Variants in ZNF385B observed in about 807,000 individuals in gnomAD.
ZNF385B encodes the protein zinc finger protein 533.
Under a neutral mutation model 39.2 loss-of-function variants are expected in ZNF385B, and 23 were observed. The ratio of observed to expected loss-of-function variants is 0.59; its 90% CI spans 0.42 to 0.83. ZNF385B has a LOEUF of 0.83. Among genes scored for constraint, ZNF385B ranks in the 40% least tolerant of loss-of-function variants. ZNF385B has a pLI of 0.00. For missense variants in ZNF385B, 552 were observed against 598.9 expected (o/e 0.92, Z 0.82); for synonymous variants, 205 against 222.6 (o/e 0.92, Z 0.70).
chr2:179,563,685 T>C (rs756592593), intron 3 of ZNF385B, among the ~76,000 whole-genome samples: 8 of 152,104 alleles, frequency 5.3e-5, no homozygotes, highest in Non-Finnish European at 1.2e-4. Context: ...AATAACAAAA[T>C]AATATTCTAA....
intron 3 of ZNF385B, among the ~76,000 whole-genome samples, chr2:179,724,116 C>T (rs1700858483): frequency 3.9e-5 from 6 of 152,072 alleles, no homozygotes; most frequent in Admixed American, 3.9e-4. Context: ...CAAGACCAGC[C>T]TGATCAATAT....
At chr2:179,587,126 T>C (rs1687153304) in intron 3 of ZNF385B, among the ~76,000 whole-genome samples, 1 of 151,724 alleles carries the variant, frequency 6.6e-6, no homozygotes, top group Non-Finnish European at 1.5e-5. Flanking sequence ...TGGTTGACCT[T>C]ACCAATTAGC....
chr2:179,467,854 A>C (rs576354271), intron 6 of ZNF385B, among the ~76,000 whole-genome samples: 1 of 152,296 alleles, frequency 6.6e-6, no homozygotes, highest in South Asian at 2.1e-4. Context: ...TAAGTAACTT[A>C]GGACCCATAA....
chr2:179,715,266 A>C (rs1700263045), intron 3 of ZNF385B, among the ~76,000 whole-genome samples: 1 of 152,188 alleles, frequency 6.6e-6, no homozygotes, highest in Admixed American at 6.5e-5. Flanking sequence ...CCACCACCAT[A>C]GGTGATGACT....
At chr2:179,644,522 C>T (rs555284793) in intron 3 of ZNF385B, among the ~76,000 whole-genome samples, 1 of 152,250 alleles carries the variant, frequency 6.6e-6, no homozygotes, top group East Asian at 1.9e-4. Flanking sequence ...ATTCTATGAG[C>T]CACAAATCTT....
chr2:179,724,377 T>C (rs1232245934), intron 3 of ZNF385B, among the ~76,000 whole-genome samples: 1 of 152,160 alleles, frequency 6.6e-6, no homozygotes, highest in African/African-American at 2.4e-5. Flanking sequence ...TGTGATAATA[T>C]GTGGTTATCA....
chr2:179,625,722 A>T (rs3112966), intron 3 of ZNF385B, among the ~76,000 whole-genome samples: 4 of 151,890 alleles, frequency 2.6e-5, no homozygotes, highest in African/African-American at 4.8e-5. Context: ...GTACAAGGAA[A>T]ACGATATCAT....
chr2:179,792,196 CTGTTA>C (rs1344996099), intron 1 of ZNF385B, among the ~76,000 whole-genome samples: 1 of 152,026 alleles, frequency 6.6e-6, no homozygotes, highest in Non-Finnish European at 1.5e-5. Context: ...ACTCTATGTT[CTGTTA>C]TAAGCCAAGA....
intron 1 of ZNF385B, chr2:179,796,063 A>T (rs77058322): frequency 2.0e-5 from 3 of 152,136 alleles, no homozygotes; most frequent in African/African-American, 7.2e-5. Flanking sequence ...CCCACAAAAA[A>T]AGGTGGGGAA....
At chr2:179,504,826 A>C (rs1258855649) in intron 5 of ZNF385B, among the ~76,000 whole-genome samples, 3 of 151,948 alleles carry the variant, frequency 2.0e-5, no homozygotes, top group South Asian at 2.1e-4. Context: ...AAAAAAAAAA[A>C]ACCAGATCTC....
intron 3 of ZNF385B, among the ~76,000 whole-genome samples, chr2:179,695,528 AT>A (rs1698671935): frequency 6.6e-6 from 1 of 152,194 alleles, no homozygotes; most frequent in South Asian, 2.1e-4. Flanking sequence ...CAATTGGAAA[AT>A]GGGAGAGAGA....
At chr2:179,846,465 T>A (rs1160231452) in intron 1 of ZNF385B, among the ~76,000 whole-genome samples, 1 of 152,212 alleles carries the variant, frequency 6.6e-6, no homozygotes, top group Non-Finnish European at 1.5e-5. Flanking sequence ...GAATTCCGTA[T>A]CCTGCTTATC....
chr2:179,776,037 C>T (rs182127159), intron 1 of ZNF385B, among the ~76,000 whole-genome samples: 21 of 152,292 alleles, frequency 1.4e-4, no homozygotes, highest in Admixed American at 7.2e-4. Flanking sequence ...CACATCTTAC[C>T]TCTGAAAGAA....
chr2:179,662,358 ATTTT>A (rs202113925), intron 3 of ZNF385B, among the ~76,000 whole-genome samples: 4 of 139,314 alleles, frequency 2.9e-5, no homozygotes, highest in African/African-American at 2.6e-5. Flanking sequence ...TTTATGGGTA[ATTTT>A]TTTTTTTTTT....
rs548919543 is a variant in ZNF385B, at chr2:179,740,368, G to A, written c.298+29135C>T. Among the ~76,000 whole-genome samples the A allele has an allele frequency of 6.2e-4, 94 of 152,244 alleles. 2 individuals are homozygous for A. The South Asian group carries it at 0.019, about 31-fold the overall frequency. Reference sequence around the variant, plus strand: ...TTTCAGAGTCCCTGGAAGAAGTCAGGGACAGAGGGCTCCTCATCTCTGACA... The same window carrying A: ...TTTCAGAGTCCCTGGAAGAAGTCAGAGACAGAGGGCTCCTCATCTCTGACA... On this transcript the variant is annotated intron_variant, in intron 3 of 9. Transcript: ENST00000410066.
At chr2:179,518,786 ATT>A (rs2058278278) in intron 4 of ZNF385B, 148 bp from the exon 5 acceptor site, 3 of 459,586 alleles carry the variant, frequency 6.5e-6, no homozygotes, top group Middle Eastern at 5.5e-4. Context: ...ACAGTAATAT[ATT>A]TGTCTCCAAA....
At chr2:179,497,603 A>G (rs1229340823) in intron 5 of ZNF385B, among the ~76,000 whole-genome samples, 2 of 152,066 alleles carry the variant, frequency 1.3e-5, no homozygotes, top group African/African-American at 4.8e-5. Context: ...ATATCACCAG[A>G]GAAAATTGAC....
intron 6 of ZNF385B, among the ~76,000 whole-genome samples, chr2:179,457,210 G>A (rs2050799080): frequency 6.6e-6 from 1 of 152,036 alleles, no homozygotes; most frequent in Non-Finnish European, 1.5e-5. Context: ...ATAGACAGAA[G>A]GATATTTTTT....
intron 3 of ZNF385B, among the ~76,000 whole-genome samples, chr2:179,669,035 AAC>A (rs1695557539): frequency 6.6e-6 from 1 of 152,256 alleles, no homozygotes. Flanking sequence ...GCATAGAGAC[AAC>A]ACAGAACTAT....
Sources: allele counts gnomAD v4.1 joint callset (sites outside exome capture counted in the v4.1 genomes callset), GRCh38; gene constraint gnomAD v4.1.1; transcripts MANE v1.5; gene names NCBI Gene and HGNC (gene_info 2026-07-23, HGNC 2026-07-21).